Variants in GPR158 observed in about 807,000 individuals in gnomAD.
The protein encoded by GPR158 is G protein-coupled receptor 158, also known as metabotropic glycine receptor.
GPR158 carries 30 observed loss-of-function variants against 78.2 expected under a neutral mutation model. That is an observed-to-expected ratio of 0.38 (90% CI 0.29 to 0.52). GPR158 has a LOEUF of 0.52. Ranked by LOEUF, GPR158 falls within the 20% of genes least tolerant of loss-of-function variation. The pLI is 0.83. For synonymous variants in GPR158, 581 were observed against 591.1 expected (o/e 0.98, Z 0.25); for missense variants, 1,463 against 1,523.5 (o/e 0.96, Z 0.66).
intron 5 of GPR158, among the ~76,000 whole-genome samples, chr10:25,515,021 C>G (rs915660365): frequency 6.6e-6 from 1 of 151,900 alleles, no homozygotes; most frequent in Non-Finnish European, 1.5e-5. Context: ...GATAAATTTC[C>G]CAGGTGTTCT....
chr10:25,540,620 G>T (rs10764557), intron 5 of GPR158, among the ~76,000 whole-genome samples: 80,346 of 149,102 alleles, frequency 0.54, 23,605 homozygotes, highest in African/African-American at 0.8. Flanking sequence ...CCATAAAAAA[G>T]GATGAGTTCA....
chr10:25,393,992 C>A (rs567464902), intron 2 of GPR158: 1 of 152,158 alleles, frequency 6.6e-6, no homozygotes, highest in South Asian at 2.1e-4. Flanking sequence ...GTTTATCAAA[C>A]TACCTATTTG....
intron 2 of GPR158, among the ~76,000 whole-genome samples, chr10:25,285,916 C>A (rs558002343): frequency 2.0e-5 from 3 of 151,926 alleles, no homozygotes; most frequent in African/African-American, 7.3e-5. Flanking sequence ...TCTGGGTTGA[C>A]GTTTTCCTTT....
intron 1 of GPR158, among the ~76,000 whole-genome samples, chr10:25,214,815 G>C (rs1230372509): frequency 6.6e-6 from 1 of 151,992 alleles, no homozygotes; most frequent in Non-Finnish European, 1.5e-5. Flanking sequence ...CCATTTACAA[G>C]TCAGGGAGAG....
At chr10:25,495,957 G>A (rs1835875530) in intron 5 of GPR158, among the ~76,000 whole-genome samples, 1 of 151,874 alleles carries the variant, frequency 6.6e-6, no homozygotes, top group Non-Finnish European at 1.5e-5. Context: ...GAACAGGGAT[G>A]TCTCCTAACA....
At chr10:25,359,634 A>G (rs1855602435) in intron 2 of GPR158, among the ~76,000 whole-genome samples, 1 of 152,166 alleles carries the variant, frequency 6.6e-6, no homozygotes, top group Non-Finnish European at 1.5e-5. Context: ...TATACGTGCC[A>G]CGTTTTCTTT....
At chr10:25,476,704 C>T (rs949597103) in intron 5 of GPR158, among the ~76,000 whole-genome samples, 2 of 152,040 alleles carry the variant, frequency 1.3e-5, no homozygotes, top group African/African-American at 4.8e-5. Flanking sequence ...ATCTTCTGGT[C>T]TGCTGTTCTT....
At chr10:25,449,820 CTTG>C (rs989700522) in intron 4 of GPR158, among the ~76,000 whole-genome samples, 3 of 152,094 alleles carry the variant, frequency 2.0e-5, no homozygotes, top group Admixed American at 6.6e-5. Context: ...GATATCAAAA[CTTG>C]TTGTACATCA....
At chr10:25,311,808 T>G (rs1475084297) in intron 2 of GPR158, among the ~76,000 whole-genome samples, 3 of 148,704 alleles carry the variant, frequency 2.0e-5, no homozygotes, top group Admixed American at 6.6e-5. Flanking sequence ...ACAGTGGTAA[T>G]CCATTTTTTA....
At chr10:25,575,752 C>T (rs12268257) in intron 7 of GPR158, among the ~76,000 whole-genome samples, 37,191 of 151,886 alleles carry the variant, frequency 0.24, 6,392 homozygotes, top group African/African-American at 0.49. Flanking sequence ...TTCATACCTC[C>T]AAACTCTCCA....
chr10:25,256,645 A>G (rs1292780777), intron 2 of GPR158, among the ~76,000 whole-genome samples: 1 of 152,166 alleles, frequency 6.6e-6, no homozygotes, highest in Non-Finnish European at 1.5e-5. Flanking sequence ...TGATGGCTCC[A>G]CTGCACTTCA....
At chr10:25,228,131 A>G (rs930386293) in intron 2 of GPR158, among the ~76,000 whole-genome samples, 4 of 152,168 alleles carry the variant, frequency 2.6e-5, no homozygotes, top group Middle Eastern at 3.2e-3. Context: ...AAAAATTAGC[A>G]AGGCTTAGTG....
intron 2 of GPR158, among the ~76,000 whole-genome samples, chr10:25,314,753 T>G (rs1434839650): frequency 6.7e-6 from 1 of 150,020 alleles, no homozygotes; most frequent in Non-Finnish European, 1.5e-5. Context: ...CTATCAAGTT[T>G]ACGACTATAA....
chr10:25,388,873 C>T (rs1000167358), intron 2 of GPR158, among the ~76,000 whole-genome samples: 17 of 152,346 alleles, frequency 1.1e-4, no homozygotes, highest in Admixed American at 3.3e-4. Flanking sequence ...TTTCAGTGCC[C>T]ACTCCAATCA....
chr10:25,596,818 A>G (rs2130754825), intron 10 of GPR158, 29 bp downstream of exon 10: 5 of 1,601,308 alleles, frequency 3.1e-6, no homozygotes, highest in Non-Finnish European at 4.3e-6. Context: ...CTTTCTTCCT[A>G]TTTCAGATTA....
intron 5 of GPR158, among the ~76,000 whole-genome samples, chr10:25,502,625 G>A (rs1835956938): frequency 6.6e-6 from 1 of 152,078 alleles, no homozygotes; most frequent in African/African-American, 2.4e-5. Context: ...AAAGTACAAT[G>A]AGCAAACTAA....
intron 1 of GPR158, among the ~76,000 whole-genome samples, chr10:25,185,716 G>A (rs1377048886): frequency 8.5e-5 from 13 of 152,142 alleles, no homozygotes; most frequent in African/African-American, 2.6e-4. Flanking sequence ...CCAGCTACTC[G>A]AGAGGCTGAG....
At chr10:25,377,627 T>C (rs1834100227) in intron 2 of GPR158, among the ~76,000 whole-genome samples, 1 of 152,074 alleles carries the variant, frequency 6.6e-6, no homozygotes, top group Admixed American at 6.6e-5. Flanking sequence ...TGAAATCATA[T>C]AATATGTTGT....
chr10:25,347,960 C>CTG (rs1383286855), intron 2 of GPR158, among the ~76,000 whole-genome samples: 2 of 151,906 alleles, frequency 1.3e-5, no homozygotes, highest in African/African-American at 4.8e-5. Flanking sequence ...CCCAGCCTTT[C>CTG]TGTGACCCCT....
Sources: gnomAD v4.1 joint callset for allele counts (sites outside exome capture counted in the v4.1 genomes callset) on GRCh38, gnomAD v4.1.1 for gene constraint, MANE v1.5 for transcripts, NCBI Gene and HGNC (gene_info 2026-07-23, HGNC 2026-07-21) for gene names.